DRC4: variants seen among roughly 807,000 people sequenced by gnomAD.
DRC4 encodes the protein GAS-11.
At chr16:90,030,141 A>G in the DRC4 span, among the ~76,000 whole-genome samples, 4 of 152,216 alleles carry the variant, frequency 2.6e-5, no homozygotes, top group African/African-American at 4.8e-5. Flanking sequence ...CAGATTCGCA[A>G]TTGAACCCTC....
chr16:90,026,355 G>T, the DRC4 span, among the ~76,000 whole-genome samples: 1 of 152,142 alleles, frequency 6.6e-6, no homozygotes, highest in African/African-American at 2.4e-5. Context: ...CACGCACGAC[G>T]CCATGTGCAG....
chr16:90,024,841 TGCAACAGCAAAC>T, the DRC4 span, among the ~76,000 whole-genome samples: 2 of 151,608 alleles, frequency 1.3e-5, no homozygotes, highest in Admixed American at 6.6e-5. Flanking sequence ...AACAAAAAAA[TGCAACAGCAAAC>T]ACAACAGCAA....
At chr16:90,020,468 C>A in the DRC4 span, among the ~76,000 whole-genome samples, 1 of 152,150 alleles carries the variant, frequency 6.6e-6, no homozygotes, top group Admixed American at 6.5e-5. Context: ...AGAGGGCAGT[C>A]GGTTTGTTTG....
the DRC4 span, chr16:90,040,481 C>T: frequency 6.2e-7 from 1 of 1,606,742 alleles, no homozygotes; most frequent in Non-Finnish European, 8.5e-7. Context: ...GACCCTGCAG[C>T]CCTGACGCTG....
the DRC4 span, chr16:90,037,391 A>T: frequency 1.2e-6 from 2 of 1,611,642 alleles, no homozygotes; most frequent in Admixed American, 1.7e-5. Context: ...GGACAAGCAG[A>T]TCCTGCTTGT....
the DRC4 span, chr16:90,031,464 G>A: frequency 1.7e-5 from 27 of 1,584,992 alleles, no homozygotes; most frequent in Admixed American, 1.8e-4. Context: ...GGAGATGGAA[G>A]AAGCCGAGGA....
chr16:90,030,767 C>T, the DRC4 span, among the ~76,000 whole-genome samples: 1 of 152,006 alleles, frequency 6.6e-6, no homozygotes, highest in Non-Finnish European at 1.5e-5. Context: ...TAGGTGCGTG[C>T]CATCATGCCT....
the DRC4 span, chr16:90,037,506 C>G: frequency 7.9e-7 from 1 of 1,264,710 alleles, no homozygotes; most frequent in African/African-American, 1.5e-5. Flanking sequence ...GGAAGGGAGA[C>G]GGGGAGGCCT....
At chr16:90,036,162 C>T in the DRC4 span, 6 of 589,610 alleles carry the variant, frequency 1.0e-5, no homozygotes, top group South Asian at 7.0e-5. Flanking sequence ...CAATGCCTGT[C>T]ACTGGCAAAG....
At chr16:90,025,446 C>T in the DRC4 span, among the ~76,000 whole-genome samples, 5 of 150,926 alleles carry the variant, frequency 3.3e-5, no homozygotes, top group Non-Finnish European at 7.4e-5. Flanking sequence ...GTCAGGAGTT[C>T]GAGTACAGCC....
At chr16:90,037,690 A>C in the DRC4 span, 1 of 1,449,828 alleles carries the variant, frequency 6.9e-7, no homozygotes, top group Non-Finnish European at 9.7e-7. Flanking sequence ...GCCATCTCCC[A>C]GGAGCCCGTG....
At chr16:90,035,993 C>G in the DRC4 span, 1 of 1,066,654 alleles carries the variant, frequency 9.4e-7, no homozygotes, top group South Asian at 1.8e-5. Context: ...AAATAGTCTT[C>G]TCCATGGCTC....
the DRC4 span, chr16:90,042,249 G>C: frequency 3.3e-6 from 2 of 598,458 alleles, no homozygotes; most frequent in East Asian, 7.1e-5. Flanking sequence ...ACTGTTGCTG[G>C]AGAGGCAGGT....
chr16:90,042,672 G>A, the DRC4 span: 2 of 704,366 alleles, frequency 2.8e-6, no homozygotes, highest in African/African-American at 1.7e-5. Flanking sequence ...GTCCCCACGT[G>A]AGGGTGCAGT....
chr16:90,037,874 A>G, the DRC4 span: 1 of 1,602,114 alleles, frequency 6.2e-7, no homozygotes, highest in Non-Finnish European at 8.5e-7. Context: ...CTGGCCCTGC[A>G]GTTGGCGGTG....
At chr16:90,038,873 C>G in the DRC4 span, among the ~76,000 whole-genome samples, 125,507 of 152,268 alleles carry the variant, frequency 0.82, 52,123 homozygotes, top group East Asian at 1. Context: ...GCAGCATGGG[C>G]CCCTCAAGGC....
chr16:90,026,209 A>G, the DRC4 span, among the ~76,000 whole-genome samples: 1 of 152,166 alleles, frequency 6.6e-6, no homozygotes, highest in East Asian at 1.9e-4. Flanking sequence ...GGATATGGAA[A>G]TTTGTTACCT....
At chr16:90,040,775 G>A in the DRC4 span, among the ~76,000 whole-genome samples, 1 of 147,648 alleles carries the variant, frequency 6.8e-6, no homozygotes, top group Non-Finnish European at 1.5e-5. Flanking sequence ...GAATGGGGAC[G>A]GGCAGAGGGT....
At chr16:90,031,526 C>G in the DRC4 span, 1 of 1,536,092 alleles carries the variant, frequency 6.5e-7, no homozygotes, top group Non-Finnish European at 8.8e-7. Flanking sequence ...ACGTGCTAAC[C>G]TGGTCACCAC....
Sources: allele counts gnomAD v4.1 joint callset (sites outside exome capture counted in the v4.1 genomes callset), GRCh38; gene constraint gnomAD v4.1.1; transcripts MANE v1.5; gene names NCBI Gene and HGNC (gene_info 2026-07-23, HGNC 2026-07-21).